Variants in C10orf90 observed in about 807,000 individuals in gnomAD.
C10orf90 encodes (E2-independent) E3 ubiquitin-conjugating enzyme FATS.
In C10orf90, 56 loss-of-function variants were observed where a neutral mutation model predicts 62.5. That is an observed-to-expected ratio of 0.90 (90% CI 0.72 to 1.12). The LOEUF is 1.12. Among genes scored for constraint, C10orf90 ranks in the 50% most tolerant of loss-of-function variants. C10orf90 has a pLI of 0.00. For missense variants in C10orf90, 970 were observed against 880.4 expected (o/e 1.10, Z -1.29); for synonymous variants, 386 against 340.4 (o/e 1.13, Z -1.47).
chr10:126,595,918 T>A (rs890108828), intron 2 of C10orf90, among the ~76,000 whole-genome samples: 2 of 151,792 alleles, frequency 1.3e-5, no homozygotes, highest in African/African-American at 2.4e-5. Flanking sequence ...AGAAAAAAAA[T>A]AAACCTCAGC....
chr10:126,564,006 G>A (rs537517143), intron 2 of C10orf90, among the ~76,000 whole-genome samples: 94 of 152,094 alleles, frequency 6.2e-4, no homozygotes, highest in Non-Finnish European at 1.2e-3. Flanking sequence ...AGCAGCATCC[G>A]TGGCCTCCAC....
chr10:126,460,421 A>G (rs941742812), intron 6 of C10orf90, among the ~76,000 whole-genome samples: 3 of 152,222 alleles, frequency 2.0e-5, no homozygotes, highest in African/African-American at 7.2e-5. Context: ...GGGAGCTCAG[A>G]GTGCCCAGGC....
At chr10:126,590,596 AT>A (rs1423915053) in intron 2 of C10orf90, among the ~76,000 whole-genome samples, 3 of 152,184 alleles carry the variant, frequency 2.0e-5, no homozygotes, top group Non-Finnish European at 4.4e-5. Flanking sequence ...TGCTGGGTAA[AT>A]ATTAAAATTA....
intron 1 of C10orf90, among the ~76,000 whole-genome samples, chr10:126,652,850 T>A (rs992214405): frequency 2.0e-5 from 3 of 152,196 alleles, no homozygotes; most frequent in Non-Finnish European, 4.4e-5. Flanking sequence ...TTTCTTATCA[T>A]TTGTAACATT....
intron 2 of C10orf90, among the ~76,000 whole-genome samples, chr10:126,631,160 A>G (rs1030309723): frequency 2.0e-5 from 3 of 152,134 alleles, no homozygotes. Flanking sequence ...ACAAAGCAAA[A>G]CGAAGCCTGT....
At chr10:126,450,618 G>C (rs1564800486) in intron 7 of C10orf90, among the ~76,000 whole-genome samples, 1 of 152,294 alleles carries the variant, frequency 6.6e-6, no homozygotes, top group East Asian at 1.9e-4. Flanking sequence ...AACAAATTGA[G>C]TTGGGAAGAT....
intron 2 of C10orf90, among the ~76,000 whole-genome samples, chr10:126,645,287 G>C (rs1209368802): frequency 6.6e-6 from 1 of 150,686 alleles, no homozygotes; most frequent in South Asian, 2.1e-4. Flanking sequence ...AAAGCTGGAG[G>C]CTGGGTGCAG....
chr10:126,471,595 C>T (rs887856311), intron 4 of C10orf90, among the ~76,000 whole-genome samples: 2 of 152,118 alleles, frequency 1.3e-5, no homozygotes, highest in African/African-American at 4.8e-5. Context: ...ATCAGAAGCA[C>T]CCTGTGTATT....
intron 2 of C10orf90, among the ~76,000 whole-genome samples, chr10:126,542,887 T>C (rs1273194107): frequency 1.3e-5 from 2 of 152,240 alleles, no homozygotes; most frequent in African/African-American, 4.8e-5. Context: ...TAGGATTCAA[T>C]GCCACATGTG....
chr10:126,649,080 C>A (rs2366862), intron 1 of C10orf90, among the ~76,000 whole-genome samples: 6 of 118,750 alleles, frequency 5.1e-5, no homozygotes, highest in Non-Finnish European at 8.6e-5. Flanking sequence ...CTCCCCCCCC[C>A]CCAGCAATTC....
At chr10:126,442,380 A>G (rs1237793815) in intron 7 of C10orf90, among the ~76,000 whole-genome samples, 2 of 148,032 alleles carry the variant, frequency 1.4e-5, no homozygotes, top group Non-Finnish European at 3.0e-5. Context: ...ACATATATAC[A>G]TCTAACACTG....
At chr10:126,490,076 ATATAATAATAATATATAATATAT>A (rs2133834328) in intron 4 of C10orf90, among the ~76,000 whole-genome samples, 2 of 122,222 alleles carry the variant, frequency 1.6e-5, no homozygotes, top group East Asian at 4.2e-4. Context: ...ATAATATATA[ATATAATAATAATATATAATATAT>A]AATATATATG....
At chr10:126,510,292 C>A (rs886494909) in intron 3 of C10orf90, among the ~76,000 whole-genome samples, 2 of 152,130 alleles carry the variant, frequency 1.3e-5, no homozygotes, top group Non-Finnish European at 2.9e-5. Flanking sequence ...GTCTCAGAAA[C>A]CAAGAAGGGG....
chr10:126,669,703 CTT>C (rs67897578), intron 1 of C10orf90, among the ~76,000 whole-genome samples: 14,281 of 145,350 alleles, frequency 0.098, 723 homozygotes, highest in South Asian at 0.17. Context: ...CACTCTCTGT[CTT>C]TTTTTTTTTT....
chr10:126,425,939 T>C, intron 9 of C10orf90, 37 bp from the exon 10 acceptor site: 1 of 1,613,904 alleles, frequency 6.2e-7, no homozygotes, highest in South Asian at 1.1e-5. Context: ...CAAGTTGAGA[T>C]TCGGCATCTG....
At chr10:126,467,564 C>T (rs1239803220) in intron 4 of C10orf90, among the ~76,000 whole-genome samples, 1 of 152,178 alleles carries the variant, frequency 6.6e-6, no homozygotes, top group Non-Finnish European at 1.5e-5. Flanking sequence ...CCACTTATCC[C>T]GGGCATTTCC....
intron 7 of C10orf90, among the ~76,000 whole-genome samples, chr10:126,433,250 A>G (rs1376500704): frequency 2.0e-5 from 3 of 152,176 alleles, no homozygotes; most frequent in Non-Finnish European, 2.9e-5. Context: ...GGACATGAAG[A>G]TAAATAAAAC....
At chr10:126,573,813 AG>A (rs1243735287) in intron 2 of C10orf90, among the ~76,000 whole-genome samples, 6 of 152,164 alleles carry the variant, frequency 3.9e-5, no homozygotes, top group Non-Finnish European at 8.8e-5. Context: ...TCACAAGTGG[AG>A]AAAGAGCTCT....
At chr10:126,528,458 G>T (rs1864006941) in intron 2 of C10orf90, among the ~76,000 whole-genome samples, 1 of 152,166 alleles carries the variant, frequency 6.6e-6, no homozygotes, top group Admixed American at 6.5e-5. Context: ...ACATGAGACT[G>T]ATTTACAGGA....
Sources: allele counts gnomAD v4.1 joint callset (sites outside exome capture counted in the v4.1 genomes callset), GRCh38; gene constraint gnomAD v4.1.1; transcripts MANE v1.5; gene names NCBI Gene and HGNC (gene_info 2026-07-23, HGNC 2026-07-21).